Variants in LRRK2 observed in about 807,000 individuals in gnomAD.
LRRK2 encodes leucine-rich repeat serine/threonine-protein kinase 2.
In LRRK2, 203 loss-of-function variants were observed where a neutral mutation model predicts 302.6. The observed-to-expected ratio is 0.67, with a 90% CI of 0.60 to 0.75. The LOEUF is 0.75. Among genes scored for constraint, LRRK2 ranks in the 30% least tolerant of loss-of-function variants. The pLI, the probability that LRRK2 is intolerant of heterozygous loss-of-function variation, is 0.00. For synonymous variants in LRRK2, 1,066 were observed against 1,031.9 expected, an observed-to-expected ratio of 1.03 and a Z score of -0.63; for missense variants, 2,830 against 2,951.0, an observed-to-expected ratio of 0.96 and a Z score of 0.95.
intron 13 of LRRK2, 104 bp from the exon 14 acceptor site, chr12:40,263,685 A>C: frequency 1.2e-6 from 1 of 805,232 alleles, no homozygotes; most frequent in Non-Finnish European, 2.1e-6. Context: ...AGTACAACAC[A>C]TATATTGTGA....
chr12:40,351,203 C>T (rs1014732165), intron 43 of LRRK2, among the ~76,000 whole-genome samples: 7 of 152,188 alleles, frequency 4.6e-5, no homozygotes, highest in East Asian at 1.9e-4. Flanking sequence ...GGGTTTTTCT[C>T]TCACTGGCGG....
chr12:40,302,808 T>G lies in LRRK2; in HGVS notation c.3516T>G (p.Pro1172=), dbSNP rs768240786. 1 of 1,610,384 alleles carries G rather than the reference T, an allele frequency of 6.2e-7. No individual in the cohort carries two copies. Among genetic ancestry groups the G allele is most frequent in the African/African-American group, 1.3e-5 (1 of 74,826 alleles). Residue 1172 remains proline, a synonymous_variant, in exon 26 of 51, where the codon CCT becomes CCG. Transcript: ENST00000298910. ...MNFLAAMPFL[P]PSMTILKLSQ... is the part of the protein sequence containing the mutation. ...TTTTAGCTGCTATGCCTTTCTTGCC[T>G]CCTTCTATGACAATCCTAAAATTAT...
In LRRK2 at chr12:40,293,894, C is replaced by CAT. The variant is rs1491426750; in HGVS notation, c.2808+232_2808+233insTA. 0.2 allele frequency among the ~76,000 whole-genome samples: 13,859 copies of CAT among 70,426 alleles called. 1,125 individuals carry two copies. The highest frequency in any genetic ancestry group is 0.26 in the Non-Finnish European group (7,614 of 29,084). The allele number at this position is 70,426 out of a possible 152,430, so 46.2% of individuals were successfully genotyped here. Reference sequence around the variant, plus strand: ...TATGCAGGGTATGAATTTTTTGGGGCACATATATATATATATATATACTTA... The same window carrying CAT: ...TATGCAGGGTATGAATTTTTTGGGGCATACATATATATATATATATATACTTA... On this transcript the variant is annotated intron_variant, in intron 21 of 50. Coordinates refer to ENST00000298910, the MANE Select transcript of LRRK2 (RefSeq NM_198578.4).
At chr12:40,301,083 C>T in intron 25 of LRRK2, 1 of 457,184 alleles carries the variant, frequency 2.2e-6, no homozygotes, top group Non-Finnish European at 4.4e-6. Flanking sequence ...AATTAATTAT[C>T]TTGTTGTGAA....
In LRRK2 at chr12:40,259,538, C is replaced by T. The variant is rs199954611; in HGVS notation, c.1477C>T (p.Arg493Cys). The change falls in exon 13 of 51, where the codon CGT becomes TGT. Residue 493 changes from arginine (R) to cysteine (C), a missense_variant. Arg to Cys is a radical substitution (Grantham distance 180). Coordinates refer to ENST00000298910, the MANE Select transcript of LRRK2 (RefSeq NM_198578.4). ...VVPKILTVMK[R>C]HETSLPVQLE... The stretch of plus-strand genomic sequence containing the variant: ...CCCCAAAATACTAACAGTTATGAAA[C>T]GTCATGAGACATCATTACCAGTGCA... 98 of 1,613,178 alleles carry T rather than the reference C, an allele frequency of 6.1e-5. No individual in the cohort carries two copies. The highest frequency in any genetic ancestry group is 3.3e-4 in the Middle Eastern group (2 of 6,080).
chr12:40,235,447 G>T (rs892105654), intron 3 of LRRK2, among the ~76,000 whole-genome samples, 179 bp from the exon 4 acceptor site: 2 of 152,172 alleles, frequency 1.3e-5, no homozygotes, highest in Non-Finnish European at 2.9e-5. Flanking sequence ...TTGCATTCCA[G>T]CCTGGGTGAC....
chr12:40,364,005 C>A (rs1046630341), intron 48 of LRRK2, among the ~76,000 whole-genome samples: 3 of 151,904 alleles, frequency 2.0e-5, no homozygotes, highest in African/African-American at 7.3e-5. Flanking sequence ...GATCAAGACC[C>A]CAGAATGAGA....
At chr12:40,292,148 T>A (rs1186923794) in intron 20 of LRRK2, among the ~76,000 whole-genome samples, 1 of 152,028 alleles carries the variant, frequency 6.6e-6, no homozygotes, top group East Asian at 1.9e-4. Context: ...AGGAAAGCCA[T>A]GAGACTGTTT....
chr12:40,293,873 C>T (rs1944260042), intron 21 of LRRK2, among the ~76,000 whole-genome samples: 1 of 130,012 alleles, frequency 7.7e-6, no homozygotes, highest in Non-Finnish European at 1.6e-5. Context: ...TTTGAGTATG[C>T]AGGGTATGAA....
At chr12:40,299,546 G>A (rs374914074) in intron 25 of LRRK2, among the ~76,000 whole-genome samples, 1 of 152,042 alleles carries the variant, frequency 6.6e-6, no homozygotes, top group South Asian at 2.1e-4. Context: ...AAAATTATGA[G>A]GACATTAAAA....
intron 3 of LRRK2, among the ~76,000 whole-genome samples, chr12:40,234,338 C>G (rs961927227): frequency 1.5e-4 from 21 of 139,942 alleles, no homozygotes; most frequent in African/African-American, 5.6e-4. Context: ...TTATCTTGAA[C>G]TAACTAAACA....
intron 40 of LRRK2, among the ~76,000 whole-genome samples, chr12:40,336,973 C>G (rs1188820777): frequency 1.3e-5 from 2 of 152,138 alleles, no homozygotes; most frequent in African/African-American, 4.8e-5. Context: ...TATTCTAGTT[C>G]TCTGAAACCT....
At position 40,287,612 on chromosome 12, in the gene LRRK2, A is replaced by G. The variant is rs73108376; in HGVS notation, c.2689+73A>G. On this transcript the variant is annotated intron_variant, in intron 20 of 50. Transcript: ENST00000298910. ...ACATTGAACAATAGGACCCAAGACA[A>G]AAACCTGACCTAAATCATCTGGAAA... The G allele has an allele frequency of 2.7e-3, 3,893 of 1,443,330 alleles. 66 individuals carry two copies. The African/African-American group carries it at 0.042, about 16-fold the overall frequency. The allele number at this position is 1,443,330 out of a possible 1,614,324, so 89.4% of individuals were successfully genotyped here.
chr12:40,314,080 G>A lies in LRRK2; in HGVS notation c.4645G>A (p.Asp1549Asn). Residue 1549 changes from aspartate to asparagine, a missense_variant, in exon 32 of 51, where the codon GAC (aspartate) becomes AAC (asparagine). By Grantham distance (23) the Asp-to-Asn change is conservative. Around this residue, in one of 3 missense-constraint regions of LRRK2, gnomAD observed 2,121 missense variants for 2,148.0 expected, o/e 0.99. Coordinates refer to ENST00000298910, the MANE Select transcript of LRRK2 (RefSeq NM_198578.4). ...KNVPIEFPVI[D>N]RKRLLQLVRE... ...TGTGCCAATTGAATTTCCCGTAATT[G>A]ACCGGAAACGATTATTACAACTAGT... The A allele has an allele frequency of 6.2e-7, 1 of 1,612,588 alleles. No individual in the cohort carries two copies. The highest frequency in any genetic ancestry group is 8.5e-7 in the Non-Finnish European group (1 of 1,179,000).
chr12:40,298,261 C>T lies in LRRK2; in HGVS notation c.3115C>T (p.His1039Tyr), dbSNP rs368296922. The T allele has an allele frequency of 1.9e-6, 3 of 1,613,354 alleles. No individual in the cohort carries two copies. The highest frequency in any genetic ancestry group is 2.7e-5 in the African/African-American group (2 of 74,892). Residue 1039 changes from histidine (H) to tyrosine (Y), a missense_variant, in exon 24 of 51, where the codon CAT becomes TAT. Physicochemically the swap from His to Tyr is moderately conservative, Grantham distance 83. This residue lies in a region of LRRK2 where 2,121 missense variants were observed against 2,148.0 expected (regional missense o/e 0.99). Coordinates refer to ENST00000298910, the MANE Select transcript of LRRK2 (RefSeq NM_198578.4). The part of the protein sequence containing the change: ...QLCETLKSLT[H>Y]LDLHSNKFTS... ...TTTTCAGACTCTGAAGAGTTTGACA[C>T]ATTTGGACTTGCACAGTAATAAATT...
intron 46 of LRRK2, 150 bp downstream of exon 46, chr12:40,356,337 A>G (rs1946538706): frequency 1.7e-6 from 1 of 598,270 alleles, no homozygotes; most frequent in Non-Finnish European, 2.9e-6. Context: ...TCTTGAACAC[A>G]GTAGATCCTC....
intron 39 of LRRK2, among the ~76,000 whole-genome samples, chr12:40,333,343 C>T (rs28365229): frequency 0.032 from 4,881 of 152,222 alleles, 228 homozygotes; most frequent in Admixed American, 0.12. Context: ...AATCAGTGGG[C>T]GCCGCTACTC....
chr12:40,257,240 AATCTC>A lies in LRRK2; in HGVS notation c.1289-6_1289-2del. ...CATATCTATAAGTAACATTTTAAAA[AATCTC>A]AGTTAATTTCAGAAAAATACTGTTA... On this transcript the variant is annotated splice_region_variant and splice_polypyrimidine_tract_variant and intron_variant, in intron 11 of 50. Transcript: ENST00000298910. The A allele has an allele frequency of 3.9e-6, 6 of 1,532,550 alleles. No individual in the cohort carries two copies. Among genetic ancestry groups the A allele is most frequent in the Non-Finnish European group, 5.4e-6 (6 of 1,106,888 alleles). 94.9% of individuals were successfully genotyped at this position (1,532,550 alleles called of 1,614,324 possible). A position where few individuals can be genotyped will look rare whatever the true frequency, so the allele number is the denominator to read the frequency against.
At chr12:40,294,985 C>A in intron 22 of LRRK2, 71 bp downstream of exon 22, 2 of 921,792 alleles carry the variant, frequency 2.2e-6, no homozygotes, top group Non-Finnish European at 3.5e-6. Flanking sequence ...TGAATTTCCT[C>A]CAATTATTCA....
Sources: allele counts gnomAD v4.1 joint callset (sites outside exome capture counted in the v4.1 genomes callset), GRCh38; gene constraint gnomAD v4.1.1; regional missense constraint gnomAD v4.1.1; transcripts MANE v1.5; gene names NCBI Gene and HGNC (gene_info 2026-07-23, HGNC 2026-07-21).